DPP10: variants seen among roughly 807,000 people sequenced by gnomAD.
DPP10 encodes the protein dipeptidyl peptidase like 10.
DPP10 carries 33 observed loss-of-function variants against 120.9 expected under a neutral mutation model. That is an observed-to-expected ratio of 0.27 (90% CI 0.21 to 0.37). The LOEUF (loss-of-function observed/expected upper bound fraction) is 0.37, where lower values mean the gene tolerates loss of function less well. DPP10 is among the 10% of genes least tolerant of loss of function. DPP10 has a pLI of 1.00. For missense variants in DPP10, 816 were observed against 942.8 expected (o/e 0.87, Z 1.76); for synonymous variants, 337 against 326.1 (o/e 1.03, Z -0.36).
At chr2:114,950,885 C>T (rs554256768) in intron 1 of DPP10, among the ~76,000 whole-genome samples, 1 of 152,264 alleles carries the variant, frequency 6.6e-6, no homozygotes, top group East Asian at 1.9e-4. Flanking sequence ...CCCTGGACCA[C>T]TTATTTGGTA....
At chr2:115,684,814 A>G (rs1303375870) in intron 5 of DPP10, among the ~76,000 whole-genome samples, 2 of 151,942 alleles carry the variant, frequency 1.3e-5, no homozygotes, top group African/African-American at 4.8e-5. Context: ...GGAAAAGACA[A>G]TTTACATTTT....
chr2:114,617,370 A>G (rs966120522), intron 1 of DPP10, among the ~76,000 whole-genome samples: 27 of 152,192 alleles, frequency 1.8e-4, no homozygotes. Flanking sequence ...TTTATAGCTT[A>G]TATGTAAATA....
chr2:115,803,030 C>G (rs963774173), intron 19 of DPP10, among the ~76,000 whole-genome samples: 1 of 152,042 alleles, frequency 6.6e-6, no homozygotes, highest in Non-Finnish European at 1.5e-5. Context: ...TGATAGTGGG[C>G]TGTTAAAGTG....
intron 13 of DPP10, among the ~76,000 whole-genome samples, chr2:115,771,475 C>G (rs1403992325): frequency 6.6e-6 from 1 of 152,158 alleles, no homozygotes; most frequent in East Asian, 1.9e-4. Context: ...AAACACTTTA[C>G]TTATAATTCT....
At chr2:115,102,223 G>A (rs921602254) in intron 1 of DPP10, among the ~76,000 whole-genome samples, 4 of 151,978 alleles carry the variant, frequency 2.6e-5, no homozygotes, top group African/African-American at 9.7e-5. Context: ...AGAGAGCTCT[G>A]GTCCCTCTTT....
chr2:114,991,595 AT>A (rs1318712255), intron 1 of DPP10, among the ~76,000 whole-genome samples: 1 of 152,230 alleles, frequency 6.6e-6, no homozygotes, highest in Admixed American at 6.5e-5. Flanking sequence ...GGAAGATGTT[AT>A]TAGCAAGCAT....
rs138162432 is a variant in DPP10, at chr2:114,511,030, C to A, written c.60+68192C>A. The stretch of plus-strand genomic sequence containing the variant: ...TCAGGGATGATGGGTATCCCCGGAT[C>A]CTAAGGCCTAGTGAATGGTCTCTTC... On this transcript the variant is annotated intron_variant, in intron 1 of 25. Coordinates refer to ENST00000410059, the MANE Select transcript of DPP10 (RefSeq NM_020868.6). 4.1e-3 allele frequency among the ~76,000 whole-genome samples: 627 copies of A among 152,268 alleles called. 6 individuals carry two copies. The highest frequency in any genetic ancestry group is 0.014 in the African/African-American group (597 of 41,538).
At chr2:115,418,030 T>C (rs1392602188) in intron 3 of DPP10, among the ~76,000 whole-genome samples, 1 of 152,186 alleles carries the variant, frequency 6.6e-6, no homozygotes, top group East Asian at 1.9e-4. Flanking sequence ...CTTACAGAGC[T>C]AAGGTTTATG....
intron 3 of DPP10, among the ~76,000 whole-genome samples, chr2:115,396,648 T>C (rs1456518159): frequency 6.6e-6 from 1 of 152,244 alleles, no homozygotes; most frequent in Non-Finnish European, 1.5e-5. Context: ...GCAATGTTTG[T>C]AGCTCCCATT....
In DPP10 at chr2:115,286,058, A is replaced by G. The variant is rs141682024; in HGVS notation, c.61-23181A>G. 4.7e-3 allele frequency among the ~76,000 whole-genome samples: 713 copies of G among 151,976 alleles called. 2 individuals are homozygous for G. Among genetic ancestry groups the G allele is most frequent in the African/African-American group, 0.015 (619 of 41,488 alleles). ...AGTTTTAAATCATGGTCTTTGCTCT[A>G]CTTTATTTATTTGTATTTACTCTTT... is the stretch of plus-strand genomic sequence containing the variant. On this transcript the variant is annotated intron_variant, in intron 1 of 25. Coordinates refer to ENST00000410059, the MANE Select transcript of DPP10 (RefSeq NM_020868.6).
intron 1 of DPP10, among the ~76,000 whole-genome samples, chr2:115,043,154 TCTGA>T (rs531490388): frequency 5.8e-4 from 88 of 152,258 alleles, no homozygotes; most frequent in African/African-American, 2.1e-3. Flanking sequence ...TTTTAGAGCC[TCTGA>T]CTGATACTTC....
chr2:115,703,416 G>T (rs930004668), intron 7 of DPP10, among the ~76,000 whole-genome samples: 1 of 151,966 alleles, frequency 6.6e-6, no homozygotes, highest in African/African-American at 2.4e-5. Context: ...GGGAGAGGGA[G>T]AAGGATTTTA....
Position 114,804,164 on chromosome 2 carries a change from G to A in DPP10, c.60+361326G>A, listed in dbSNP as rs112554605. ...CCCCAAGCCTTGGCAGCTTCCATGT[G>A]GTGTTGAGGCTGTGGGGGCACAGAA... On this transcript the variant is annotated intron_variant, in intron 1 of 25. Coordinates refer to ENST00000410059, the MANE Select transcript of DPP10 (RefSeq NM_020868.6). 9.1e-3 allele frequency among the ~76,000 whole-genome samples: 1,391 copies of A among 152,354 alleles called. 26 individuals carry two copies. The highest frequency in any genetic ancestry group is 0.032 in the African/African-American group (1,322 of 41,578).
chr2:115,415,045 G>T lies in DPP10; in HGVS notation c.271+71133G>T, dbSNP rs181467158. ...ATTATCTTAGATCTTAGCCTTACTT[G>T]TGCCTTATTCTGTTCTTTAACTATC... On this transcript the variant is annotated intron_variant, in intron 3 of 25. Coordinates refer to ENST00000410059, the MANE Select transcript of DPP10 (RefSeq NM_020868.6). Among the ~76,000 whole-genome samples, 7 of 152,226 alleles carry T rather than the reference G, an allele frequency of 4.6e-5. No individual in the cohort carries two copies. The East Asian group carries it at 1.2e-3, about 25-fold the overall frequency.
chr2:115,565,769 G>GTTTTTT (rs144846765), intron 5 of DPP10, among the ~76,000 whole-genome samples: 1 of 136,228 alleles, frequency 7.3e-6, no homozygotes. Context: ...TGTTTGTTTT[G>GTTTTTT]TTTTTTTTTG....
At chr2:115,830,823 TAAAAC>T (rs781571779) in intron 21 of DPP10, among the ~76,000 whole-genome samples, 2 of 152,016 alleles carry the variant, frequency 1.3e-5, no homozygotes, top group African/African-American at 4.8e-5. Context: ...CTGGGGAAAA[TAAAAC>T]AAACTTAAAA....
At chr2:114,666,614 G>GTATA (rs1697942450) in intron 1 of DPP10, among the ~76,000 whole-genome samples, 1 of 152,186 alleles carries the variant, frequency 6.6e-6, no homozygotes, top group African/African-American at 2.4e-5. Context: ...AAAGTCCCAT[G>GTATA]TATATGCAAG....
At chr2:115,572,567 A>G (rs755600394) in intron 5 of DPP10, among the ~76,000 whole-genome samples, 1 of 152,180 alleles carries the variant, frequency 6.6e-6, no homozygotes, top group Admixed American at 6.5e-5. Context: ...TACTCTATGT[A>G]TATACTTACA....
intron 4 of DPP10, among the ~76,000 whole-genome samples, chr2:115,521,332 A>C (rs2077795043): frequency 6.6e-6 from 1 of 152,188 alleles, no homozygotes; most frequent in Non-Finnish European, 1.5e-5. Flanking sequence ...ACTCTGTATA[A>C]ATGATAAAAG....
Sources: allele counts gnomAD v4.1 joint callset (sites outside exome capture counted in the v4.1 genomes callset), GRCh38; gene constraint gnomAD v4.1.1; transcripts MANE v1.5; gene names NCBI Gene and HGNC (gene_info 2026-07-23, HGNC 2026-07-21).